The following DLG2 variants were observed in gnomAD, a reference collection of about 807,000 sequenced individuals.
DLG2 encodes the protein disks large homolog 2.
DLG2 carries 45 observed loss-of-function variants against 132.5 expected under a neutral mutation model. The ratio of observed to expected loss-of-function variants is 0.34; its 90% CI spans 0.27 to 0.44. DLG2 has a LOEUF of 0.44. Among genes scored for constraint, DLG2 ranks in the 20% least tolerant of loss-of-function variants. The probability of loss-of-function intolerance (pLI) is 1.00; values close to 1 mark genes in which losing one functional copy is unlikely to be tolerated. For missense variants in DLG2, 1,045 were observed against 1,196.9 expected (o/e 0.87, Z 1.87); for synonymous variants, 424 against 419.6 (o/e 1.01, Z -0.13).
intron 19 of DLG2, among the ~76,000 whole-genome samples, chr11:83,589,710 G>C (rs867821673): frequency 0.013 from 1,951 of 151,524 alleles, 21 homozygotes; most frequent in Middle Eastern, 0.041. Context: ...TGGATAAAGA[G>C]TCAAGACCCA....
intron 6 of DLG2, among the ~76,000 whole-genome samples, chr11:84,661,399 T>G (rs568512134): frequency 6.6e-6 from 1 of 152,166 alleles, no homozygotes; most frequent in East Asian, 1.9e-4. Flanking sequence ...TATATCATCG[T>G]GGGGACCCAT....
intron 6 of DLG2, among the ~76,000 whole-genome samples, chr11:84,846,765 G>C (rs1379259594): frequency 1.3e-5 from 2 of 152,104 alleles, no homozygotes; most frequent in Non-Finnish European, 2.9e-5. Context: ...TGCCAGTTTT[G>C]AGCCTAAGCC....
intron 9 of DLG2, among the ~76,000 whole-genome samples, chr11:84,116,501 C>T (rs764972518): frequency 3.3e-5 from 5 of 152,088 alleles, no homozygotes; most frequent in African/African-American, 7.2e-5. Flanking sequence ...GTGGCAGGCA[C>T]GAGAGCCTGT....
Position 84,121,751 on chromosome 11 carries a change from C to G in DLG2, c.625-22704G>C, listed in dbSNP as rs574115826. 4.0e-5 allele frequency among the ~76,000 whole-genome samples: 6 copies of G among 151,130 alleles called. No homozygotes were observed. In the South Asian group the frequency reaches 8.4e-4, roughly 21 times the overall value. On this transcript the variant is annotated intron_variant, in intron 9 of 27. Transcript: ENST00000376104. ...TAATTTTTTGTATTTTTAGTAGAGA[C>G]GGGGTTTCACCGTATTAGCCAGGAT...
intron 15 of DLG2, among the ~76,000 whole-genome samples, chr11:83,919,955 G>A (rs1055920834): frequency 4.6e-5 from 7 of 152,130 alleles, no homozygotes; most frequent in Non-Finnish European, 1.0e-4. Flanking sequence ...CTTCATTTGG[G>A]TCAATTTATT....
At chr11:84,703,857 G>GAGATATATATATATATATATAT (rs1555174775) in intron 6 of DLG2, among the ~76,000 whole-genome samples, 6 of 102,694 alleles carry the variant, frequency 5.8e-5, no homozygotes, top group African/African-American at 2.5e-4. Context: ...ATGTAGTGAA[G>GAGATATATATATATATATATAT]ATATATATAT....
At chr11:83,771,185 T>G (rs764567004) in intron 18 of DLG2, among the ~76,000 whole-genome samples, 9 of 152,204 alleles carry the variant, frequency 5.9e-5, no homozygotes, top group Non-Finnish European at 1.2e-4. Flanking sequence ...CAACTATTTG[T>G]CTGCAATTTT....
At chr11:84,825,884 T>C (rs1399911383) in intron 6 of DLG2, among the ~76,000 whole-genome samples, 1 of 151,916 alleles carries the variant, frequency 6.6e-6, no homozygotes, top group Non-Finnish European at 1.5e-5. Flanking sequence ...TTGTTACCCT[T>C]TCTCATACAG....
intron 16 of DLG2, among the ~76,000 whole-genome samples, chr11:83,849,893 A>G (rs1465188775): frequency 6.6e-6 from 1 of 152,004 alleles, no homozygotes; most frequent in Non-Finnish European, 1.5e-5. Flanking sequence ...TGTCTCCAGT[A>G]CCCAGCAAAA....
At chr11:84,345,738 A>G (rs1489592475) in intron 7 of DLG2, among the ~76,000 whole-genome samples, 4 of 152,182 alleles carry the variant, frequency 2.6e-5, no homozygotes, top group Non-Finnish European at 5.9e-5. Context: ...AGCAAGTGTT[A>G]GCAAATTGCA....
intron 17 of DLG2, among the ~76,000 whole-genome samples, chr11:83,797,583 T>C (rs1366564032): frequency 6.6e-6 from 1 of 152,074 alleles, no homozygotes; most frequent in Non-Finnish European, 1.5e-5. Context: ...GCAGTGGTGC[T>C]ATCTCGCTCA....
chr11:84,010,014 T>C (rs1678695410), intron 11 of DLG2, among the ~76,000 whole-genome samples: 1 of 152,116 alleles, frequency 6.6e-6, no homozygotes, highest in Admixed American at 6.6e-5. Context: ...GTCTGTGCAC[T>C]GTGTTCTGGT....
At chr11:84,050,580 T>G (rs926981534) in intron 11 of DLG2, among the ~76,000 whole-genome samples, 3 of 152,054 alleles carry the variant, frequency 2.0e-5, no homozygotes, top group Non-Finnish European at 4.4e-5. Context: ...GGTTTAGACA[T>G]GAAGTCCTTG....
At chr11:83,584,997 T>C (rs1283247449) in intron 19 of DLG2, among the ~76,000 whole-genome samples, 1 of 152,218 alleles carries the variant, frequency 6.6e-6, no homozygotes, top group East Asian at 1.9e-4. Context: ...AAGGACATCA[T>C]GTAACTGCTT....
At chr11:83,938,333 C>G (rs12222943) in intron 14 of DLG2, among the ~76,000 whole-genome samples, 2 of 151,948 alleles carry the variant, frequency 1.3e-5, no homozygotes, top group South Asian at 4.2e-4. Flanking sequence ...AGTAGCAATT[C>G]TAGTGCAGGT....
chr11:84,445,497 T>C (rs1485988253), intron 7 of DLG2, among the ~76,000 whole-genome samples: 1 of 152,208 alleles, frequency 6.6e-6, no homozygotes, highest in Non-Finnish European at 1.5e-5. Flanking sequence ...TATGTCTTTC[T>C]TAATATGGTT....
intron 7 of DLG2, among the ~76,000 whole-genome samples, chr11:84,528,262 G>T (rs1034815674): frequency 6.6e-6 from 1 of 152,060 alleles, no homozygotes; most frequent in Non-Finnish European, 1.5e-5. Context: ...TCCCCACCTT[G>T]AGGAAAGGAA....
chr11:84,309,596 A>G (rs1457760475), intron 7 of DLG2, among the ~76,000 whole-genome samples: 1 of 152,222 alleles, frequency 6.6e-6, no homozygotes, highest in African/African-American at 2.4e-5. Flanking sequence ...CAAAACATCT[A>G]GATTCCTTTA....
At chr11:84,424,724 T>A (rs2098960999) in intron 7 of DLG2, among the ~76,000 whole-genome samples, 1 of 152,060 alleles carries the variant, frequency 6.6e-6, no homozygotes, top group South Asian at 2.1e-4. Context: ...TTAAGGCATT[T>A]TTTGGGGTGG....
Sources: gnomAD v4.1 joint callset for allele counts (sites outside exome capture counted in the v4.1 genomes callset) on GRCh38, gnomAD v4.1.1 for gene constraint, MANE v1.5 for transcripts, NCBI Gene and HGNC (gene_info 2026-07-23, HGNC 2026-07-21) for gene names.